Variants in CDH12 observed in about 807,000 individuals in gnomAD.
CDH12 encodes the protein cadherin-12.
In CDH12, 41 loss-of-function variants were observed where a neutral mutation model predicts 74.1. The observed-to-expected ratio is 0.55, with a 90% CI of 0.43 to 0.72. The LOEUF (loss-of-function observed/expected upper bound fraction) is 0.72, where lower values mean the gene tolerates loss of function less well. Among genes scored for constraint, CDH12 ranks in the 30% least tolerant of loss-of-function variants. CDH12 has a pLI of 0.00. For missense variants in CDH12, 945 were observed against 977.2 expected (o/e 0.97, Z 0.44); for synonymous variants, 399 against 355.0 (o/e 1.12, Z -1.39).
chr5:22,796,158 T>C (rs2126400876), intron 1 of CDH12, among the ~76,000 whole-genome samples: 1 of 152,328 alleles, frequency 6.6e-6, no homozygotes, highest in Non-Finnish European at 1.5e-5. Context: ...AATATACAAG[T>C]GCTGATATCT....
At chr5:21,867,165 G>A (rs570028551) in intron 6 of CDH12, among the ~76,000 whole-genome samples, 6 of 152,120 alleles carry the variant, frequency 3.9e-5, no homozygotes, top group Non-Finnish European at 7.4e-5. Flanking sequence ...GACCAGTCTG[G>A]CCAACATGGT....
chr5:21,985,243 CAT>C (rs1328828114), intron 5 of CDH12, among the ~76,000 whole-genome samples: 1 of 152,174 alleles, frequency 6.6e-6, no homozygotes, highest in African/African-American at 2.4e-5. Flanking sequence ...AACTTCCAGA[CAT>C]GTGGTCTAAA....
chr5:22,211,938 C>G (rs1304598361), intron 4 of CDH12, among the ~76,000 whole-genome samples: 1 of 152,010 alleles, frequency 6.6e-6, no homozygotes, highest in Non-Finnish European at 1.5e-5. Flanking sequence ...AATAAGTCTT[C>G]TAGTTTCATT....
At chr5:22,676,157 ATTG>A (rs1313895664) in intron 1 of CDH12, among the ~76,000 whole-genome samples, 1 of 151,966 alleles carries the variant, frequency 6.6e-6, no homozygotes, top group Non-Finnish European at 1.5e-5. Flanking sequence ...TTTTATTCTC[ATTG>A]TTGTAACAGT....
chr5:22,510,500 CA>C (rs2126670418), intron 1 of CDH12, among the ~76,000 whole-genome samples: 1 of 152,196 alleles, frequency 6.6e-6, no homozygotes, highest in East Asian at 1.9e-4. Context: ...AAAAACCCAC[CA>C]TGCAGATGCA....
intron 1 of CDH12, among the ~76,000 whole-genome samples, chr5:22,786,940 G>A (rs989225152): frequency 3.3e-5 from 5 of 151,874 alleles, no homozygotes; most frequent in South Asian, 2.1e-4. Context: ...GGCTGGTCTC[G>A]AACTCCTGAC....
chr5:21,803,455 G>C (rs1165255350), intron 9 of CDH12, among the ~76,000 whole-genome samples: 1 of 151,948 alleles, frequency 6.6e-6, no homozygotes, highest in African/African-American at 2.4e-5. Flanking sequence ...AATTAGAGAA[G>C]GCTGTGAAAC....
rs148722401 is a variant in CDH12, at chr5:22,172,016, G to T, written c.-187+40482C>A. On this transcript the variant is annotated intron_variant, in intron 4 of 14. Transcript: ENST00000382254. ...TCATCACTTCCTATTAATTGGGGAAGATATTTTAAGTTCATTGTGATTTTG... is the reference window on the plus strand; with the variant it reads ...TCATCACTTCCTATTAATTGGGGAATATATTTTAAGTTCATTGTGATTTTG... Among the ~76,000 whole-genome samples, 861 of 151,976 alleles carry T rather than the reference G, an allele frequency of 5.7e-3. 6 individuals carry two copies. The highest frequency in any genetic ancestry group is 0.02 in the African/African-American group (830 of 41,514).
At chr5:22,346,054 C>T (rs541716795) in intron 3 of CDH12, among the ~76,000 whole-genome samples, 2 of 146,356 alleles carry the variant, frequency 1.4e-5, no homozygotes, top group Non-Finnish European at 3.0e-5. Context: ...TGCAGTGAGC[C>T]GAAGTCGCAC....
chr5:22,367,850 C>T (rs1350498291), intron 3 of CDH12, among the ~76,000 whole-genome samples: 1 of 152,110 alleles, frequency 6.6e-6, no homozygotes, highest in Non-Finnish European at 1.5e-5. Context: ...TTTGTGCCTA[C>T]CATTGCATTC....
At chr5:22,125,084 G>T (rs561930373) in intron 4 of CDH12, among the ~76,000 whole-genome samples, 2 of 151,948 alleles carry the variant, frequency 1.3e-5, no homozygotes, top group Non-Finnish European at 2.9e-5. Context: ...CAAGATTCGG[G>T]GTTTGATACA....
intron 1 of CDH12, among the ~76,000 whole-genome samples, chr5:22,529,116 A>G (rs1053318912): frequency 1.9e-5 from 2 of 107,916 alleles, no homozygotes; most frequent in Non-Finnish European, 3.9e-5. Flanking sequence ...ATATATATGC[A>G]TGCAAAACAT....
intron 1 of CDH12, among the ~76,000 whole-genome samples, chr5:22,793,779 G>A (rs1184305501): frequency 6.7e-6 from 1 of 149,320 alleles, no homozygotes; most frequent in African/African-American, 2.5e-5. Flanking sequence ...TCCCATTTAT[G>A]GAACCACCAT....
chr5:22,370,540 C>A (rs959369306), intron 3 of CDH12, among the ~76,000 whole-genome samples: 1 of 152,114 alleles, frequency 6.6e-6, no homozygotes, highest in East Asian at 1.9e-4. Flanking sequence ...TTATAGAACC[C>A]TCCATTATAT....
intron 6 of CDH12, among the ~76,000 whole-genome samples, chr5:21,893,262 GT>G (rs750800187): frequency 6.0e-4 from 91 of 152,094 alleles, no homozygotes; most frequent in Admixed American, 8.5e-4. Context: ...CTAAGTTGTG[GT>G]TGAGGGAAAA....
At chr5:22,450,127 T>G (rs975218506) in intron 2 of CDH12, among the ~76,000 whole-genome samples, 1 of 152,020 alleles carries the variant, frequency 6.6e-6, no homozygotes, top group African/African-American at 2.4e-5. Context: ...ATCTCTTCTC[T>G]TGAAAACTGC....
At chr5:22,408,836 T>C (rs1743052835) in intron 2 of CDH12, among the ~76,000 whole-genome samples, 1 of 42,456 alleles carries the variant, frequency 2.4e-5, no homozygotes, top group African/African-American at 1.0e-4. Context: ...CTATCTTCAT[T>C]TTATTTTCCC....
At chr5:22,104,919 T>G (rs886672457) in intron 4 of CDH12, among the ~76,000 whole-genome samples, 2 of 152,074 alleles carry the variant, frequency 1.3e-5, no homozygotes, top group Admixed American at 6.6e-5. Context: ...TCTGGTGAAA[T>G]TAAGGTGTTG....
chr5:22,816,771 A>C (rs1749415599), intron 1 of CDH12, among the ~76,000 whole-genome samples: 1 of 152,098 alleles, frequency 6.6e-6, no homozygotes, highest in Admixed American at 6.6e-5. Flanking sequence ...CCCACACTTT[A>C]AGTCAGTGGG....
Sources: gnomAD v4.1 joint callset for allele counts (sites outside exome capture counted in the v4.1 genomes callset) on GRCh38, gnomAD v4.1.1 for gene constraint, MANE v1.5 for transcripts, NCBI Gene and HGNC (gene_info 2026-07-23, HGNC 2026-07-21) for gene names.